Variants in CAMK4 observed in about 807,000 individuals in gnomAD.
The protein encoded by CAMK4 is calcium/calmodulin-dependent protein kinase type IV.
In CAMK4, 22 loss-of-function variants were observed where a neutral mutation model predicts 44.9. The observed-to-expected ratio is 0.49, with a 90% CI of 0.35 to 0.70. CAMK4 has a LOEUF of 0.70. CAMK4 is among the 30% of genes least tolerant of loss of function. The pLI, the probability that CAMK4 is intolerant of heterozygous loss-of-function variation, is 0.01. For synonymous variants in CAMK4, 218 were observed against 215.4 expected, an observed-to-expected ratio of 1.01 and a Z score of -0.11; for missense variants, 498 against 586.8, an observed-to-expected ratio of 0.85 and a Z score of 1.56.
intron 1 of CAMK4, among the ~76,000 whole-genome samples, chr5:111,269,064 T>C (rs896634544): frequency 1.9e-4 from 29 of 152,314 alleles, no homozygotes; most frequent in African/African-American, 5.8e-4. Flanking sequence ...GAAAATTTGG[T>C]TTAAAAGTAT....
At chr5:111,419,215 G>C (rs1445910259) in intron 5 of CAMK4, among the ~76,000 whole-genome samples, 2 of 152,136 alleles carry the variant, frequency 1.3e-5, no homozygotes, top group Non-Finnish European at 2.9e-5. Context: ...ATTTTTTCAT[G>C]TGTCTTTTGG....
chr5:111,466,985 A>C (rs1383512916), intron 7 of CAMK4, among the ~76,000 whole-genome samples: 2 of 152,236 alleles, frequency 1.3e-5, no homozygotes, highest in Non-Finnish European at 2.9e-5. Flanking sequence ...CTGGTATAAA[A>C]ATAGGCACAT....
chr5:111,391,413 T>C (rs939291245), intron 4 of CAMK4, among the ~76,000 whole-genome samples: 6 of 151,956 alleles, frequency 3.9e-5, no homozygotes, highest in African/African-American at 1.2e-4. Flanking sequence ...TTAGTTCCAA[T>C]AGAGAATGAT....
At chr5:111,291,130 G>A (rs1157815593) in intron 1 of CAMK4, among the ~76,000 whole-genome samples, 1 of 152,162 alleles carries the variant, frequency 6.6e-6, no homozygotes, top group Non-Finnish European at 1.5e-5. Flanking sequence ...ATTATTGAAT[G>A]TAGGAGATAT....
intron 1 of CAMK4, among the ~76,000 whole-genome samples, chr5:111,275,105 C>G (rs1750698787): frequency 6.6e-6 from 1 of 152,122 alleles, no homozygotes; most frequent in Non-Finnish European, 1.5e-5. Context: ...TATCCATCAC[C>G]TCACATACTT....
chr5:111,364,635 T>C (rs1311322069), intron 2 of CAMK4, among the ~76,000 whole-genome samples: 1 of 152,116 alleles, frequency 6.6e-6, no homozygotes, highest in Non-Finnish European at 1.5e-5. Context: ...CTTTCTGGGT[T>C]AAGCTTCCCA....
intron 1 of CAMK4, among the ~76,000 whole-genome samples, chr5:111,293,637 G>A (rs1412119940): frequency 5.9e-5 from 9 of 151,958 alleles, no homozygotes. Flanking sequence ...ACGTTGGCCA[G>A]GCTGGTCTCG....
At chr5:111,228,691 G>A (rs901130976) in intron 1 of CAMK4, among the ~76,000 whole-genome samples, 1 of 152,124 alleles carries the variant, frequency 6.6e-6, no homozygotes, top group African/African-American at 2.4e-5. Context: ...TCCCACTAAT[G>A]TGTTGTGATT....
chr5:111,454,010 A>G (rs1261915761), intron 7 of CAMK4, among the ~76,000 whole-genome samples: 1 of 148,976 alleles, frequency 6.7e-6, no homozygotes, highest in Non-Finnish European at 1.5e-5. Context: ...ACGCTTTCTT[A>G]TCTTTCAGAA....
chr5:111,234,615 A>G (rs988908872), intron 1 of CAMK4, among the ~76,000 whole-genome samples: 3 of 152,222 alleles, frequency 2.0e-5, no homozygotes, highest in African/African-American at 7.2e-5. Context: ...TGTGGACAGT[A>G]CTTGAAGAGT....
At chr5:111,454,883 C>T (rs897089746) in intron 7 of CAMK4, among the ~76,000 whole-genome samples, 14 of 151,988 alleles carry the variant, frequency 9.2e-5, no homozygotes, top group South Asian at 4.1e-4. Flanking sequence ...ATATCTAATA[C>T]GAATTATCTA....
At chr5:111,314,317 A>G (rs1239058760) in intron 1 of CAMK4, among the ~76,000 whole-genome samples, 1 of 152,064 alleles carries the variant, frequency 6.6e-6, no homozygotes, top group Non-Finnish European at 1.5e-5. Context: ...CCAACAGCAT[A>G]TCCATATAAT....
intron 9 of CAMK4, chr5:111,481,944 T>G (rs561387810): frequency 1.3e-5 from 2 of 152,004 alleles, no homozygotes; most frequent in Non-Finnish European, 2.9e-5. Context: ...CCTGAGGGGG[T>G]GTCCACAGGC....
chr5:111,322,013 T>C (rs1748683724), intron 1 of CAMK4, among the ~76,000 whole-genome samples: 1 of 152,042 alleles, frequency 6.6e-6, no homozygotes, highest in African/African-American at 2.4e-5. Context: ...GGGGGAGGAC[T>C]TCTGCTTGTG....
At chr5:111,238,328 G>T (rs1374414754) in intron 1 of CAMK4, among the ~76,000 whole-genome samples, 3 of 152,162 alleles carry the variant, frequency 2.0e-5, no homozygotes, top group Non-Finnish European at 4.4e-5. Flanking sequence ...GATGGGGTTT[G>T]GAGATGTGCC....
At chr5:111,346,517 C>T (rs1749876145) in intron 2 of CAMK4, among the ~76,000 whole-genome samples, 2 of 89,706 alleles carry the variant, frequency 2.2e-5, no homozygotes, top group African/African-American at 8.2e-5. Context: ...TATCTATCTC[C>T]ATCCATCTAT....
At chr5:111,469,144 CAAAAAAAAAAAA>C (rs1176120789) in intron 7 of CAMK4, among the ~76,000 whole-genome samples, 10 of 67,498 alleles carry the variant, frequency 1.5e-4, no homozygotes, top group Middle Eastern at 0.014. Flanking sequence ...AACTCCATCT[CAAAAAAAAAAAA>C]AAAAAAAAAA....
At chr5:111,346,781 A>G (rs973630634) in intron 2 of CAMK4, among the ~76,000 whole-genome samples, 1 of 151,740 alleles carries the variant, frequency 6.6e-6, no homozygotes, top group African/African-American at 2.4e-5. Flanking sequence ...TCTGCCTCCA[A>G]TTGTTACTAA....
rs143273779 is a variant in CAMK4 at position 111,455,923 on chromosome 5, T to C, written c.625+6720T>C. Among the ~76,000 whole-genome samples, 382 of 152,334 alleles carry C rather than the reference T, an allele frequency of 2.5e-3. 2 individuals carry two copies. Among genetic ancestry groups the C allele is most frequent in the African/African-American group, 8.4e-3 (350 of 41,586 alleles). Reference sequence around the variant, plus strand: ...GAACACTTATTTCACAGGGCTATTATAAAGAATAAATAAGATAATGTATGT... The same window carrying C: ...GAACACTTATTTCACAGGGCTATTACAAAGAATAAATAAGATAATGTATGT... On this transcript the variant is annotated intron_variant, in intron 7 of 10. Transcript: ENST00000282356.
Sources: gnomAD v4.1 joint callset for allele counts (sites outside exome capture counted in the v4.1 genomes callset) on GRCh38, gnomAD v4.1.1 for gene constraint, MANE v1.5 for transcripts, NCBI Gene and HGNC (gene_info 2026-07-23, HGNC 2026-07-21) for gene names.